The following GTF2H1 variants were observed in gnomAD, a reference collection of about 807,000 sequenced individuals.
GTF2H1 encodes the protein general transcription factor IIH subunit 1, also known as BTF2 p62.
Under a neutral mutation model 71.2 loss-of-function variants are expected in GTF2H1, and 16 were observed. That is an observed-to-expected ratio of 0.22 (90% CI 0.15 to 0.34). The LOEUF (loss-of-function observed/expected upper bound fraction) is 0.34. GTF2H1 is among the 10% of genes least tolerant of loss of function. GTF2H1 has a pLI of 1.00. For missense variants in GTF2H1, 498 were observed against 648.2 expected (o/e 0.77, Z 2.52); for synonymous variants, 215 against 219.0 (o/e 0.98, Z 0.16).
rs547547527 is a variant in GTF2H1, at chr11:18,363,193, C to T, written c.1560+2486C>T. Among the ~76,000 whole-genome samples, 3 of 152,166 alleles carry T rather than the reference C, an allele frequency of 2.0e-5. No homozygotes were observed. The East Asian group carries it at 5.8e-4, about 29-fold the overall frequency. The stretch of plus-strand genomic sequence containing the variant: ...TCTGGAATACCTCCTGAAGGACCTG[C>T]GTACGGCTATTTTACAGTTAACTTT... On this transcript the variant is annotated intron_variant, in intron 14 of 14. Coordinates refer to ENST00000265963, the MANE Select transcript of GTF2H1 (RefSeq NM_005316.4).
At chr11:18,326,447 G>C (rs10741743) in intron 1 of GTF2H1, among the ~76,000 whole-genome samples, 63,164 of 151,716 alleles carry the variant, frequency 0.42, 15,428 homozygotes, top group East Asian at 0.59. Flanking sequence ...GCTTGAATCC[G>C]GGAGGTGGAG....
chr11:18,331,295 A>G (rs1864889614), intron 1 of GTF2H1, among the ~76,000 whole-genome samples: 1 of 152,070 alleles, frequency 6.6e-6, no homozygotes, highest in South Asian at 2.1e-4. Context: ...AGCTCAAGTG[A>G]TCCACCTGCC....
chr11:18,358,525 A>G lies in GTF2H1; in HGVS notation c.1352A>G (p.Gln451Arg). The G allele has an allele frequency of 6.4e-7, 1 of 1,566,778 alleles. No homozygotes were observed. The highest frequency in any genetic ancestry group is 1.7e-5 in the Admixed American group (1 of 59,852). Reference sequence around the variant, plus strand: ...TATGGGCCTTGTTCTTCTTTTGCAGAGATGGTGCCAAATGATATTCAATCT... The same window carrying G: ...TATGGGCCTTGTTCTTCTTTTGCAGGGATGGTGCCAAATGATATTCAATCT... ...MQGGTQQAIN[Q>R]MVPNDIQSEL... is the part of the protein sequence containing the mutation. The change falls in exon 13 of 15, where the codon CAG (glutamine) becomes CGG (arginine). Residue 451 changes from glutamine to arginine, a missense_variant and splice_region_variant. Physicochemically the swap from Gln to Arg is conservative, Grantham distance 43. Around this residue, in one of 3 missense-constraint regions of GTF2H1, gnomAD observed 266 missense variants for 301.6 expected, o/e 0.88. Transcript: ENST00000265963.
intron 14 of GTF2H1, among the ~76,000 whole-genome samples, chr11:18,363,373 G>A (rs1039512089): frequency 1.3e-5 from 2 of 151,972 alleles, no homozygotes; most frequent in Non-Finnish European, 2.9e-5. Flanking sequence ...TAATAGGTTC[G>A]TTTACACCAG....
Position 18,335,803 on chromosome 11 carries a change from C to A in GTF2H1, c.204C>A (p.Val68=). The A allele has an allele frequency of 6.2e-7, 1 of 1,614,008 alleles. No individual in the cohort carries two copies. Among genetic ancestry groups the A allele is most frequent in the Non-Finnish European group, 8.5e-7 (1 of 1,179,914 alleles). The change falls in exon 3 of 15, where the codon GTC becomes GTA. Residue 68 remains valine (V), a synonymous_variant. Coordinates refer to ENST00000265963, the MANE Select transcript of GTF2H1 (RefSeq NM_005316.4). ...EGKAKIQLQL[V]LHAGDTTNFH... is the part of the protein sequence containing the mutation. ...AAGCTAAAATTCAGCTTCAGCTGGT[C>A]CTACATGCAGGGGACACAACTAACT...
Position 18,339,763 on chromosome 11 carries a change from A to G in GTF2H1, c.607+106A>G, listed in dbSNP as rs932976727. On this transcript the variant is annotated intron_variant, in intron 5 of 14. Transcript: ENST00000265963. The stretch of plus-strand genomic sequence containing the variant: ...GATTCCTGATCAAGTGCAATAAATT[A>G]TGTAAAGTACTTTTTACCCAGTGCC... 20 of 670,638 alleles carry G rather than the reference A, an allele frequency of 3.0e-5. No homozygotes were observed. The African/African-American group carries it at 3.5e-4, about 12-fold the overall frequency. The allele number at this position is 670,638 out of a possible 1,614,324, so 41.5% of individuals were successfully genotyped here. A position where few individuals can be genotyped will look rare whatever the true frequency, so the allele number is the denominator to read the frequency against.
intron 1 of GTF2H1, among the ~76,000 whole-genome samples, chr11:18,327,332 A>G (rs1208972955): frequency 2.7e-5 from 4 of 150,556 alleles, no homozygotes; most frequent in African/African-American, 7.3e-5. Flanking sequence ...TTTATCACCC[A>G]TAGATAATCA....
chr11:18,341,529 C>T lies in GTF2H1; in HGVS notation c.759C>T (p.Gly253=), dbSNP rs1277145567. Residue 253 remains glycine (G), a splice_region_variant and synonymous_variant, in exon 7 of 15, where the codon GGC becomes GGT. Transcript: ENST00000265963. ...FAECAKIDEK[G]LKTMVSLGVK... ...CTTTTTATTTTGTTGATTTTCTAGG[C>T]CTAAAAACAATGGTTTCATTAGGAG... is the stretch of plus-strand genomic sequence containing the variant. The T allele has an allele frequency of 1.2e-6, 2 of 1,608,956 alleles. No individual in the cohort carries two copies. Among genetic ancestry groups the T allele is most frequent in the African/African-American group, 2.7e-5 (2 of 74,562 alleles).
chr11:18,362,961 G>C (rs978831802), intron 14 of GTF2H1, among the ~76,000 whole-genome samples: 1 of 151,832 alleles, frequency 6.6e-6, no homozygotes, highest in African/African-American at 2.4e-5. Context: ...GAGCCACCAC[G>C]CCTGGTGCCT....
intron 11 of GTF2H1, among the ~76,000 whole-genome samples, chr11:18,353,840 T>C (rs138802386): frequency 6.6e-6 from 1 of 152,338 alleles, no homozygotes; most frequent in Admixed American, 6.5e-5. Flanking sequence ...TATTTCGATG[T>C]ATATTTTCAA....
Position 18,341,617 on chromosome 11 carries a change from A to T in GTF2H1, c.837+10A>T. ...TAAACCATTAGATGAGGTAAGAAGC[A>T]ATAAAAGAAGTTTTGAGAGAAAAGA... On this transcript the variant is annotated intron_variant, in intron 7 of 14. Coordinates refer to ENST00000265963, the MANE Select transcript of GTF2H1 (RefSeq NM_005316.4). 12 of 1,551,500 alleles carry T rather than the reference A, an allele frequency of 7.7e-6. No individual in the cohort carries two copies. Among genetic ancestry groups the T allele is most frequent in the Non-Finnish European group, 1.1e-5 (12 of 1,132,476 alleles).
At chr11:18,341,060 G>A (rs1189624634) in intron 5 of GTF2H1, among the ~76,000 whole-genome samples, 2 of 152,154 alleles carry the variant, frequency 1.3e-5, no homozygotes, top group Admixed American at 1.3e-4. Flanking sequence ...GGTTTTGTTT[G>A]TAATTTGTAA....
chr11:18,360,174 G>A (rs1865662416), intron 13 of GTF2H1, among the ~76,000 whole-genome samples: 1 of 152,148 alleles, frequency 6.6e-6, no homozygotes, highest in Non-Finnish European at 1.5e-5. Context: ...GCAGGCTGGA[G>A]TGCAGTGGTG....
At chr11:18,344,651 A>C (rs1865242866) in intron 7 of GTF2H1, among the ~76,000 whole-genome samples, 1 of 151,614 alleles carries the variant, frequency 6.6e-6, no homozygotes, top group South Asian at 2.1e-4. Context: ...TATAATATAA[A>C]TCAGATCCTA....
At chr11:18,365,081 A>C (rs932522631) in intron 14 of GTF2H1, among the ~76,000 whole-genome samples, 1 of 151,196 alleles carries the variant, frequency 6.6e-6, no homozygotes, top group Non-Finnish European at 1.5e-5. Flanking sequence ...TAAAAAAGAA[A>C]AAAAAAAAAA....
At position 18,363,026 on chromosome 11, in the gene GTF2H1, A is replaced by G. The variant is rs1007920980; in HGVS notation, c.1560+2319A>G. On this transcript the variant is annotated intron_variant, in intron 14 of 14. Transcript: ENST00000265963. ...TTAAACTTTTGTTAAAAACTAAGAC[A>G]CAAACACACATTAGCCTAGGCCTAC... is the stretch of plus-strand genomic sequence containing the variant. Among the ~76,000 whole-genome samples, 101 of 151,880 alleles carry G rather than the reference A, an allele frequency of 6.6e-4. 1 individual carries two copies. Among genetic ancestry groups the G allele is most frequent in the African/African-American group, 2.1e-3 (88 of 41,332 alleles).
Position 18,358,754 on chromosome 11 carries a change from T to C in GTF2H1, c.1467+114T>C, listed in dbSNP as rs548124645. ...TGTGACAGACACTGGGATAACTCTTTTGCATACATCGTTTCATGTAAACCT... is the reference window on the plus strand; with the variant it reads ...TGTGACAGACACTGGGATAACTCTTCTGCATACATCGTTTCATGTAAACCT... On this transcript the variant is annotated intron_variant, in intron 13 of 14. Coordinates refer to ENST00000265963, the MANE Select transcript of GTF2H1 (RefSeq NM_005316.4). 3.7e-5 allele frequency: 25 copies of C among 674,286 alleles called. No homozygotes were observed. In the African/African-American group the frequency reaches 3.8e-4, roughly 10 times the overall value. The allele number at this position is 674,286 out of a possible 1,614,324, so 41.8% of individuals were successfully genotyped here. A position where few individuals can be genotyped will look rare whatever the true frequency, so the allele number is the denominator to read the frequency against.
chr11:18,331,765 G>A (rs1021631380), intron 1 of GTF2H1, among the ~76,000 whole-genome samples: 8 of 151,576 alleles, frequency 5.3e-5, no homozygotes, highest in African/African-American at 1.5e-4. Context: ...AATCCCTGCC[G>A]TACTCCCCTT....
intron 7 of GTF2H1, among the ~76,000 whole-genome samples, chr11:18,345,336 A>G (rs1400180705): frequency 1.3e-5 from 2 of 152,130 alleles, no homozygotes; most frequent in African/African-American, 4.8e-5. Context: ...TTCAAAAAAT[A>G]TTGTGTTTAC....
Sources: gnomAD v4.1 joint callset for allele counts (sites outside exome capture counted in the v4.1 genomes callset) on GRCh38, gnomAD v4.1.1 for gene constraint, gnomAD v4.1.1 regional missense constraint, MANE v1.5 for transcripts, NCBI Gene and HGNC (gene_info 2026-07-23, HGNC 2026-07-21) for gene names.